Variants in GPBP1L1 observed in about 807,000 individuals in gnomAD.
GPBP1L1 encodes GC-rich promoter binding protein 1 like 1, also known as vasculin-like protein 1.
GPBP1L1 carries 23 observed loss-of-function variants against 52.5 expected under a neutral mutation model. That is an observed-to-expected ratio of 0.44 (90% CI 0.32 to 0.62). GPBP1L1 has a LOEUF of 0.62. Ranked by LOEUF, GPBP1L1 falls within the 20% of genes least tolerant of loss-of-function variation. GPBP1L1 has a pLI of 0.06. For synonymous variants in GPBP1L1, 243 were observed against 203.1 expected, an observed-to-expected ratio of 1.20 and a Z score of -1.67; for missense variants, 596 against 579.3, an observed-to-expected ratio of 1.03 and a Z score of -0.30.
At chr1:45,629,456 C>CCA (rs1644500176) in intron 12 of GPBP1L1, 120 bp downstream of exon 12, 4 of 88,146 alleles carry the variant, frequency 4.5e-5, no homozygotes, top group Non-Finnish European at 7.7e-5. Context: ...TAAGGTAATC[C>CCA]CCCCCCCCCC....
rs200303578 is a variant in GPBP1L1, at chr1:45,640,273, C to T, written c.681G>A (p.Leu227=). Residue 227 remains leucine, a synonymous_variant, in exon 8 of 13, where the codon TTG becomes TTA. Transcript: ENST00000355105. ...PGSHHANGNK[L]SSVVPSVYKN... The stretch of plus-strand genomic sequence containing the variant: ...TATAGACACTTGGAACCACGGATGA[C>T]AATTTGTTCCCATTTGCATGGTGAG... The T allele has an allele frequency of 9.3e-6, 15 of 1,614,152 alleles. No individual in the cohort carries two copies. The highest frequency in any genetic ancestry group is 1.3e-5 in the Non-Finnish European group (15 of 1,180,008).
intron 6 of GPBP1L1, among the ~76,000 whole-genome samples, chr1:45,649,453 G>A (rs1286058299): frequency 2.2e-5 from 3 of 136,424 alleles, no homozygotes; most frequent in Non-Finnish European, 4.9e-5. Context: ...TTAATCTGGA[G>A]CTTTTTTTTT....
intron 2 of GPBP1L1, among the ~76,000 whole-genome samples, chr1:45,679,391 C>A (rs182938373): frequency 5.9e-5 from 9 of 152,188 alleles, no homozygotes; most frequent in Admixed American, 1.3e-4. Flanking sequence ...GAATGAACTC[C>A]AAACGGTCCT....
At chr1:45,655,388 CT>C (rs1644873093) in intron 4 of GPBP1L1, 69 bp from the exon 5 acceptor site, 2 of 1,534,478 alleles carry the variant, frequency 1.3e-6, no homozygotes, top group Non-Finnish European at 1.8e-6. Flanking sequence ...TCTTAATAGG[CT>C]TTGCATCAGG....
At chr1:45,665,801 T>C (rs1318397541) in intron 2 of GPBP1L1, among the ~76,000 whole-genome samples, 4 of 151,554 alleles carry the variant, frequency 2.6e-5, no homozygotes, top group African/African-American at 9.7e-5. Flanking sequence ...TTTCATTACT[T>C]CTTTTCCACC....
intron 2 of GPBP1L1, among the ~76,000 whole-genome samples, chr1:45,668,064 T>C (rs1227131751): frequency 6.6e-6 from 1 of 152,174 alleles, no homozygotes; most frequent in African/African-American, 2.4e-5. Flanking sequence ...CTATACAGAA[T>C]AGTGTACCCT....
At chr1:45,641,436 A>G (rs1644670917) in intron 7 of GPBP1L1, among the ~76,000 whole-genome samples, 1 of 151,368 alleles carries the variant, frequency 6.6e-6, no homozygotes, top group Admixed American at 6.6e-5. Flanking sequence ...AACCACAAAC[A>G]TATATATACA....
chr1:45,630,332 A>G, intron 11 of GPBP1L1, 150 bp downstream of exon 11: 1 of 814,988 alleles, frequency 1.2e-6, no homozygotes, highest in Non-Finnish European at 1.9e-6. Flanking sequence ...GATGAGCAAC[A>G]GGCCAACCTG....
intron 2 of GPBP1L1, among the ~76,000 whole-genome samples, chr1:45,662,358 T>C (rs1188366974): frequency 6.6e-6 from 1 of 152,194 alleles, no homozygotes; most frequent in Non-Finnish European, 1.5e-5. Flanking sequence ...TTGCCCAGGC[T>C]GGTCTTGAAC....
At chr1:45,664,609 G>C (rs1270890809) in intron 2 of GPBP1L1, among the ~76,000 whole-genome samples, 1 of 152,024 alleles carries the variant, frequency 6.6e-6, no homozygotes, top group Non-Finnish European at 1.5e-5. Flanking sequence ...CATAGAGATG[G>C]GGTTTCACTA....
At chr1:45,644,448 A>G (rs1470139456) in intron 6 of GPBP1L1, among the ~76,000 whole-genome samples, 1 of 152,222 alleles carries the variant, frequency 6.6e-6, no homozygotes, top group Non-Finnish European at 1.5e-5. Flanking sequence ...AAGTTCTTTT[A>G]AACACTACAT....
chr1:45,643,658 C>CTTTTTTTTTTTTTTTTTT (rs113388167), intron 6 of GPBP1L1, among the ~76,000 whole-genome samples: 1 of 65,112 alleles, frequency 1.5e-5, no homozygotes, highest in African/African-American at 6.4e-5. Context: ...AGGAGAATGG[C>CTTTTTTTTTTTTTTTTTT]TTTTTTTTTT....
At chr1:45,650,943 T>A (rs1191488487) in intron 6 of GPBP1L1, 2 of 310,140 alleles carry the variant, frequency 6.4e-6, no homozygotes, top group African/African-American at 2.2e-5. Context: ...GTTAATTACA[T>A]ATTATTCATC....
chr1:45,629,514 T>C, intron 12 of GPBP1L1, 62 bp downstream of exon 12: 1 of 532,112 alleles, frequency 1.9e-6, no homozygotes, highest in East Asian at 7.5e-5. Flanking sequence ...GGGCAAGAAC[T>C]GTCTTGACTC....
intron 2 of GPBP1L1, among the ~76,000 whole-genome samples, chr1:45,669,273 C>G (rs1371992734): frequency 1.3e-5 from 2 of 152,150 alleles, no homozygotes; most frequent in Non-Finnish European, 2.9e-5. Context: ...TTAAGCAATC[C>G]TCTTGCTTTA....
At chr1:45,675,030 G>GT (rs1396311005) in intron 2 of GPBP1L1, among the ~76,000 whole-genome samples, 3 of 152,090 alleles carry the variant, frequency 2.0e-5, no homozygotes, top group Admixed American at 6.6e-5. Flanking sequence ...AGGTCTCCAA[G>GT]TGAGTGACTT....
Position 45,681,057 on chromosome 1 carries a change from A to G in GPBP1L1, c.-1098+4519T>C, listed in dbSNP as rs142065737. Among the ~76,000 whole-genome samples the G allele has an allele frequency of 3.0e-3, 460 of 152,198 alleles. 3 individuals carry two copies. The highest frequency in any genetic ancestry group is 0.022 in the East Asian group (115 of 5,180). ...TAAATATACAAGTAGGAAAAAAAAA[A>G]GGCAGGAAAGAAACTACCTGGAACA... is the stretch of plus-strand genomic sequence containing the variant. On this transcript the variant is annotated intron_variant, in intron 2 of 12. Coordinates refer to ENST00000355105, the MANE Select transcript of GPBP1L1 (RefSeq NM_021639.5).
At chr1:45,674,716 T>C (rs1031983127) in intron 2 of GPBP1L1, among the ~76,000 whole-genome samples, 1 of 152,214 alleles carries the variant, frequency 6.6e-6, no homozygotes, top group South Asian at 2.1e-4. Flanking sequence ...CACCTGATAC[T>C]GTACAGGGTA....
intron 6 of GPBP1L1, among the ~76,000 whole-genome samples, chr1:45,649,304 TATCTA>T (rs1644791820): frequency 6.6e-6 from 1 of 152,254 alleles, no homozygotes; most frequent in Admixed American, 6.5e-5. Flanking sequence ...TACATACTAT[TATCTA>T]ATCTACAACA....
Sources: allele counts gnomAD v4.1 joint callset (sites outside exome capture counted in the v4.1 genomes callset), GRCh38; gene constraint gnomAD v4.1.1; transcripts MANE v1.5; gene names NCBI Gene and HGNC (gene_info 2026-07-23, HGNC 2026-07-21).